LRRTM3: variants seen among roughly 807,000 people sequenced by gnomAD.
LRRTM3 encodes leucine-rich repeat transmembrane neuronal protein 3.
LRRTM3 carries 24 observed loss-of-function variants against 44.7 expected under a neutral mutation model. The observed-to-expected ratio is 0.54, with a 90% CI of 0.39 to 0.76. The LOEUF is 0.76. Among genes scored for constraint, LRRTM3 ranks in the 30% least tolerant of loss-of-function variants. The pLI is 0.00. For synonymous variants in LRRTM3, 277 were observed against 278.7 expected, an observed-to-expected ratio of 0.99 and a Z score of 0.06; for missense variants, 587 against 702.2, an observed-to-expected ratio of 0.84 and a Z score of 1.85.
At chr10:67,024,463 T>C (rs1853226726) in intron 2 of LRRTM3, among the ~76,000 whole-genome samples, 2 of 152,210 alleles carry the variant, frequency 1.3e-5, no homozygotes, top group African/African-American at 4.8e-5. Context: ...AAAGGTAACA[T>C]AGTTGCAGGT....
rs766716780 is a variant in LRRTM3, at chr10:66,927,962, T to G, written c.1046T>G (p.Val349Gly). 6.2e-7 allele frequency: 1 copy of G among 1,613,644 alleles called. No individual in the cohort carries two copies. The highest frequency in any genetic ancestry group is 8.5e-7 in the Non-Finnish European group (1 of 1,179,928). The change falls in exon 2 of 3, where the codon GTA (valine) becomes GGA (glycine). Residue 349 changes from valine to glycine, a missense_variant. Around this residue, in one of 3 missense-constraint regions of LRRTM3, gnomAD observed 315 missense variants for 335.6 expected, o/e 0.94. Transcript: ENST00000361320. The surrounding 1 kb of genome is among the most constrained non-coding windows in gnomAD (Gnocchi z 4.7). ...ICASPKELQGVNVIDAVKNYS... is the reference protein window; with the variant it reads ...ICASPKELQGGNVIDAVKNYS... ...GCCAGTCCCAAAGAGCTGCAAGGAG[T>G]AAATGTGATCGATGCAGTGAAGAAC...
At chr10:67,075,718 T>G (rs1201296629) in intron 2 of LRRTM3, among the ~76,000 whole-genome samples, 1 of 152,216 alleles carries the variant, frequency 6.6e-6, no homozygotes, top group Non-Finnish European at 1.5e-5. Context: ...TGAACTGAAC[T>G]GTGGGTTCAC....
chr10:66,982,473 C>A (rs780438526), intron 2 of LRRTM3, among the ~76,000 whole-genome samples: 1 of 152,042 alleles, frequency 6.6e-6, no homozygotes, highest in African/African-American at 2.4e-5. Flanking sequence ...ATGTAAAGCA[C>A]CCAGGACAAT....
intron 2 of LRRTM3, among the ~76,000 whole-genome samples, chr10:66,968,691 T>A (rs906156684): frequency 3.9e-5 from 6 of 152,092 alleles, no homozygotes; most frequent in African/African-American, 1.4e-4. Context: ...ATATTGAGTC[T>A]TAAAGTTACA....
intron 2 of LRRTM3, among the ~76,000 whole-genome samples, chr10:67,074,012 A>G (rs1856599993): frequency 1.3e-5 from 2 of 150,716 alleles, no homozygotes; most frequent in Non-Finnish European, 2.9e-5. Context: ...TATCAAAATA[A>G]TGCCAAGTAG....
At position 67,031,863 on chromosome 10, in the gene LRRTM3, T is replaced by C. The variant is rs1018112339; in HGVS notation, c.1537-65724T>C. 3.3e-5 allele frequency among the ~76,000 whole-genome samples: 5 copies of C among 152,210 alleles called. No homozygotes were observed. The East Asian group carries it at 5.8e-4, about 18-fold the overall frequency. On this transcript the variant is annotated intron_variant, in intron 2 of 2. Coordinates refer to ENST00000361320, the MANE Select transcript of LRRTM3 (RefSeq NM_178011.5). Reference sequence around the variant, plus strand: ...AGAGGTCATTTTGAGCAGCCTCTTTTATTGGGCCACAAAACATGCTTATCC... The same window carrying C: ...AGAGGTCATTTTGAGCAGCCTCTTTCATTGGGCCACAAAACATGCTTATCC...
intron 2 of LRRTM3, among the ~76,000 whole-genome samples, chr10:67,071,210 A>G (rs1003794148): frequency 6.6e-6 from 1 of 152,104 alleles, no homozygotes; most frequent in African/African-American, 2.4e-5. Flanking sequence ...AATCACTCAG[A>G]TATTTCCAAG....
chr10:66,949,471 T>C (rs1451579291), intron 2 of LRRTM3, among the ~76,000 whole-genome samples: 1 of 151,952 alleles, frequency 6.6e-6, no homozygotes, highest in African/African-American at 2.4e-5. Flanking sequence ...GGCAGGAGAA[T>C]TGCTTGAACC....
At chr10:67,028,640 G>C (rs1196230343) in intron 2 of LRRTM3, among the ~76,000 whole-genome samples, 1 of 95,262 alleles carries the variant, frequency 1.0e-5, no homozygotes, top group African/African-American at 3.6e-5. Context: ...CAACAAGCTA[G>C]TTCTACTTAA....
chr10:67,003,915 T>C (rs1017076557), intron 2 of LRRTM3, among the ~76,000 whole-genome samples: 1 of 152,204 alleles, frequency 6.6e-6, no homozygotes, highest in African/African-American at 2.4e-5. Flanking sequence ...AGACTATACC[T>C]TGCACATGTT....
At chr10:67,021,823 G>A (rs1853032771) in intron 2 of LRRTM3, among the ~76,000 whole-genome samples, 1 of 152,106 alleles carries the variant, frequency 6.6e-6, no homozygotes, top group Non-Finnish European at 1.5e-5. Flanking sequence ...ATGAAAGGAA[G>A]TACTATAAAG....
At chr10:66,940,257 T>C (rs1847929244) in intron 2 of LRRTM3, among the ~76,000 whole-genome samples, 2 of 152,124 alleles carry the variant, frequency 1.3e-5, no homozygotes, top group Admixed American at 6.6e-5. Flanking sequence ...CCCAGCACTT[T>C]GGGAGGCCGA....
intron 2 of LRRTM3, among the ~76,000 whole-genome samples, chr10:67,080,586 T>A (rs1202808034): frequency 6.6e-6 from 1 of 150,792 alleles, no homozygotes; most frequent in Non-Finnish European, 1.5e-5. Context: ...ATAGGCATCA[T>A]CTTCATCATC....
At chr10:67,042,505 A>G (rs998653122) in intron 2 of LRRTM3, among the ~76,000 whole-genome samples, 1 of 152,018 alleles carries the variant, frequency 6.6e-6, no homozygotes, top group Non-Finnish European at 1.5e-5. Flanking sequence ...TTGGAGTCAT[A>G]TATGTATAAG....
chr10:66,967,835 G>T (rs1456160209), intron 2 of LRRTM3, among the ~76,000 whole-genome samples: 1 of 151,906 alleles, frequency 6.6e-6, no homozygotes, highest in Non-Finnish European at 1.5e-5. Context: ...CCCTCGAAAG[G>T]TTCAATTCTA....
intron 2 of LRRTM3, among the ~76,000 whole-genome samples, chr10:67,070,458 A>T (rs927964547): frequency 3.3e-5 from 5 of 152,184 alleles, no homozygotes; most frequent in African/African-American, 1.2e-4. Flanking sequence ...CCGATTAAGA[A>T]ATCCTTGTGG....
Position 66,927,874 on chromosome 10 carries a change from A to G in LRRTM3, c.958A>G (p.Ile320Val), listed in dbSNP as rs1398231100. 6.2e-7 allele frequency: 1 copy of G among 1,614,184 alleles called. No homozygotes were observed. The highest frequency in any genetic ancestry group is 8.5e-7 in the Non-Finnish European group (1 of 1,180,034). ...AGNIWECSRN[I>V]CSLVNWLKSF... ...GAATATATGGGAATGCAGCAGAAAT[A>G]TTTGCTCCCTTGTAAACTGGCTGAA... The change falls in exon 2 of 3, where the codon ATT (isoleucine) becomes GTT (valine). Residue 320 changes from isoleucine (I) to valine (V), a missense_variant. By Grantham distance (29) the Ile-to-Val change is conservative. Around this residue, in one of 3 missense-constraint regions of LRRTM3, gnomAD observed 315 missense variants for 335.6 expected, o/e 0.94. Coordinates refer to ENST00000361320, the MANE Select transcript of LRRTM3 (RefSeq NM_178011.5). The surrounding 1 kb of genome is among the most constrained non-coding windows in gnomAD (Gnocchi z 4.7).
chr10:67,011,338 CAA>C (rs764795305), intron 2 of LRRTM3, among the ~76,000 whole-genome samples: 13 of 62,336 alleles, frequency 2.1e-4, no homozygotes, highest in Admixed American at 3.2e-4. Flanking sequence ...AAGTCTGTCT[CAA>C]AAAAAAAAAA....
chr10:67,042,573 G>A (rs539476258), intron 2 of LRRTM3, among the ~76,000 whole-genome samples: 2 of 152,008 alleles, frequency 1.3e-5, no homozygotes, highest in South Asian at 4.1e-4. Flanking sequence ...GGTAAGAAAA[G>A]GGCTTGATGA....
Sources: gnomAD v4.1 joint callset for allele counts (sites outside exome capture counted in the v4.1 genomes callset) on GRCh38, gnomAD v4.1.1 for gene constraint, gnomAD v4.1.1 regional missense constraint, Gnocchi (gnomAD v3.1) non-coding constraint, MANE v1.5 for transcripts, NCBI Gene and HGNC (gene_info 2026-07-23, HGNC 2026-07-21) for gene names.